The following PCNX4 variants were observed in gnomAD, a reference collection of about 807,000 sequenced individuals.
PCNX4 encodes the protein pecanex-like protein 4.
In PCNX4, 103 loss-of-function variants were observed where a neutral mutation model predicts 107.2. The ratio of observed to expected loss-of-function variants is 0.96; its 90% CI spans 0.82 to 1.13. The LOEUF (loss-of-function observed/expected upper bound fraction) is 1.13, where lower values mean the gene tolerates loss of function less well. PCNX4 is among the 50% of genes most tolerant of loss of function. The probability of loss-of-function intolerance (pLI) is 0.00; values close to 1 mark genes in which losing one functional copy is unlikely to be tolerated. For synonymous variants in PCNX4, 541 were observed against 481.7 expected (o/e 1.12, Z -1.61); for missense variants, 1,528 against 1,379.4 (o/e 1.11, Z -1.71).
chr14:60,124,065 C>G (rs1026721512), intron 8 of PCNX4, among the ~76,000 whole-genome samples, 153 bp from the exon 9 acceptor site: 5 of 152,082 alleles, frequency 3.3e-5, no homozygotes, highest in African/African-American at 1.2e-4. Context: ...GTGCCATTAA[C>G]TTTAAGTCAG....
At chr14:60,127,749 A>T (rs898729334) in intron 10 of PCNX4, among the ~76,000 whole-genome samples, 8 of 152,242 alleles carry the variant, frequency 5.3e-5, no homozygotes, top group Admixed American at 3.3e-4. Context: ...TCTAACCCAT[A>T]TATCGGGGGA....
chr14:60,114,917 C>T, intron 3 of PCNX4, 38 bp downstream of exon 3: 1 of 1,563,588 alleles, frequency 6.4e-7, no homozygotes, highest in Non-Finnish European at 8.6e-7. Context: ...ATGTAATATT[C>T]TTAAAGAACA....
At chr14:60,114,216 A>G (rs1169514418) in intron 2 of PCNX4, among the ~76,000 whole-genome samples, 2 of 152,232 alleles carry the variant, frequency 1.3e-5, no homozygotes, top group Admixed American at 6.5e-5. Context: ...TTAGCTGCTA[A>G]TGTATGAATG....
rs934612131 is a variant in PCNX4 at position 60,143,294 on chromosome 14, G to A, written c.*9073G>A. On this transcript the variant is annotated 3_prime_UTR_variant, in exon 11 of 11. Coordinates refer to ENST00000406854, the MANE Select transcript of PCNX4 (RefSeq NM_001330177.2). ...GCTTATAGTCTGTACCAGGCCACAT[G>A]ACATATGTTATTTTGTGGCATTCTA... 6.6e-6 allele frequency: 1 copy of A among 152,140 alleles called. No homozygotes were observed. Among genetic ancestry groups the A allele is most frequent in the African/African-American group, 2.4e-5 (1 of 41,424 alleles). The allele number at this position is 152,140 out of a possible 1,614,324, so 9.4% of individuals were successfully genotyped here. A position where few individuals can be genotyped will look rare whatever the true frequency, so the allele number is the denominator to read the frequency against.
Position 60,118,658 on chromosome 14 carries a change from T to C in PCNX4, c.1908T>C (p.Ala636=), listed in dbSNP as rs746466101. ...ACCAAATGGTGCCCAGGTTGACTGCTGTACTGCAGACTGCAATGGCAGCTG... is the reference window on the plus strand; with the variant it reads ...ACCAAATGGTGCCCAGGTTGACTGCCGTACTGCAGACTGCAATGGCAGCTG... The part of the protein sequence containing the change: ...YYYQMVPRLT[A]VLQTAMAAGS... The change falls in exon 7 of 11, where the codon GCT becomes GCC. Residue 636 remains alanine, a synonymous_variant. Coordinates refer to ENST00000406854, the MANE Select transcript of PCNX4 (RefSeq NM_001330177.2). The C allele has an allele frequency of 2.5e-6, 4 of 1,602,088 alleles. No individual in the cohort carries two copies. The highest frequency in any genetic ancestry group is 1.7e-4 in the Middle Eastern group (1 of 6,022).
intron 1 of PCNX4, among the ~76,000 whole-genome samples, chr14:60,105,719 A>G (rs957625464): frequency 6.6e-6 from 1 of 152,228 alleles, no homozygotes. Flanking sequence ...CAGAAATACT[A>G]AAAGGGAAAT....
intron 10 of PCNX4, among the ~76,000 whole-genome samples, chr14:60,129,518 A>C (rs1161042148): frequency 6.6e-6 from 1 of 152,180 alleles, no homozygotes; most frequent in Non-Finnish European, 1.5e-5. Context: ...GCACCACTGC[A>C]CTCCATCCTA....
At position 60,140,484 on chromosome 14, in the gene PCNX4, CA is replaced by C. The variant is rs1487631591; in HGVS notation, c.*6264del. 1 of 152,004 alleles carries C rather than the reference CA, an allele frequency of 6.6e-6. No individual in the cohort carries two copies. The highest frequency in any genetic ancestry group is 2.4e-5 in the African/African-American group (1 of 41,394). 9.4% of individuals were successfully genotyped at this position (152,004 alleles called of 1,614,324 possible). On this transcript the variant is annotated 3_prime_UTR_variant, in exon 11 of 11. Transcript: ENST00000406854. The surrounding 1 kb of genome is among the most constrained non-coding windows in gnomAD (Gnocchi z 4.2). ...CCCTCCCCAACTCATTTTATGATGC[CA>C]GAAAACCTAGATACCAAAACCTGGC...
chr14:60,097,958 A>C (rs562709491), intron 1 of PCNX4, among the ~76,000 whole-genome samples: 1 of 152,078 alleles, frequency 6.6e-6, no homozygotes, highest in Non-Finnish European at 1.5e-5. Context: ...CATTTTTATA[A>C]CTACAGGGTC....
intron 10 of PCNX4, among the ~76,000 whole-genome samples, chr14:60,126,602 C>A (rs1896059813): frequency 6.6e-6 from 1 of 152,174 alleles, no homozygotes; most frequent in Admixed American, 6.5e-5. Context: ...GATGGAATCT[C>A]CCCTCAGACT....
At chr14:60,112,696 G>A (rs1895761334) in intron 2 of PCNX4, among the ~76,000 whole-genome samples, 1 of 151,794 alleles carries the variant, frequency 6.6e-6, no homozygotes, top group African/African-American at 2.4e-5. Context: ...GTTGTCTTGG[G>A]GGAAAAAAAA....
intron 4 of PCNX4, 55 bp from the exon 5 acceptor site, chr14:60,115,664 G>A: frequency 6.8e-7 from 1 of 1,472,900 alleles, no homozygotes; most frequent in Non-Finnish European, 9.3e-7. Flanking sequence ...AATAAAATAT[G>A]GTAGAAGGAG....
intron 1 of PCNX4, among the ~76,000 whole-genome samples, chr14:60,098,681 G>C (rs1262207624): frequency 6.6e-6 from 1 of 152,146 alleles, no homozygotes; most frequent in Non-Finnish European, 1.5e-5. Flanking sequence ...GCTCACACCT[G>C]TAATCCCAGC....
chr14:60,112,979 C>T (rs1895767706), intron 2 of PCNX4, among the ~76,000 whole-genome samples: 2 of 152,180 alleles, frequency 1.3e-5, no homozygotes, highest in African/African-American at 2.4e-5. Flanking sequence ...GTCAAGACAT[C>T]GAGACCATCC....
intron 10 of PCNX4, chr14:60,133,639 C>T (rs538848766): frequency 2.0e-6 from 1 of 496,236 alleles, no homozygotes; most frequent in South Asian, 1.6e-5. Context: ...CCTATTGTAT[C>T]ATTCACCACC....
chr14:60,134,490 T>C lies in PCNX4; in HGVS notation c.*269T>C, dbSNP rs560263266. On this transcript the variant is annotated 3_prime_UTR_variant, in exon 11 of 11. Transcript: ENST00000406854. ...GCTTTGGTAAATGTGAGAAAACTTT[T>C]GTAGAATTATCATATAATGAATTTT... 1.0e-4 allele frequency: 38 copies of C among 369,090 alleles called. No individual in the cohort carries two copies. In the East Asian group the frequency reaches 1.7e-3, roughly 16 times the overall value. The allele number at this position is 369,090 out of a possible 1,614,324, so 22.9% of individuals were successfully genotyped here. A position where few individuals can be genotyped will look rare whatever the true frequency, so the allele number is the denominator to read the frequency against.
intron 1 of PCNX4, among the ~76,000 whole-genome samples, chr14:60,097,393 C>T (rs912262904): frequency 2.6e-5 from 4 of 152,164 alleles, no homozygotes; most frequent in African/African-American, 7.2e-5. Context: ...TTATTTACTA[C>T]GCCTTGTGGG....
Position 60,125,660 on chromosome 14 carries a change from A to G in PCNX4, c.3104A>G (p.Asp1035Gly). 2.6e-6 allele frequency: 4 copies of G among 1,544,888 alleles called. No homozygotes were observed. The highest frequency in any genetic ancestry group is 3.5e-6 in the Non-Finnish European group (4 of 1,149,140). The change falls in exon 10 of 11, where the codon GAT (aspartate) becomes GGT (glycine). Residue 1035 changes from aspartate to glycine, a missense_variant. Coordinates refer to ENST00000406854, the MANE Select transcript of PCNX4 (RefSeq NM_001330177.2). ...AGGTATACTCTGAAACTAATGATTG[A>G]TAAAGCAAGTTTAGGTCCAATAGAA... Reference protein sequence around the residue: ...AFRYTLKLMIDKASLGPIEDF... With the variant: ...AFRYTLKLMIGKASLGPIEDF...
intron 10 of PCNX4, among the ~76,000 whole-genome samples, chr14:60,126,530 A>G (rs764536475): frequency 1.3e-5 from 2 of 152,206 alleles, no homozygotes; most frequent in Admixed American, 1.3e-4. Context: ...GCTAAAACCC[A>G]GTGAGAATAG....
Sources: gnomAD v4.1 joint callset for allele counts (sites outside exome capture counted in the v4.1 genomes callset) on GRCh38, gnomAD v4.1.1 for gene constraint, Gnocchi (gnomAD v3.1) non-coding constraint, MANE v1.5 for transcripts, NCBI Gene and HGNC (gene_info 2026-07-23, HGNC 2026-07-21) for gene names.